The following DPYSL5 variants were observed in gnomAD, a reference collection of about 807,000 sequenced individuals.
DPYSL5 encodes the protein dihydropyrimidinase-related protein 5.
A neutral mutation model predicts 58.4 loss-of-function variants in DPYSL5; 9 were observed. The ratio of observed to expected loss-of-function variants is 0.15; its 90% CI spans 0.09 to 0.27. The LOEUF is 0.27. Among genes scored for constraint, DPYSL5 ranks in the 10% least tolerant of loss-of-function variants. The pLI, the probability that DPYSL5 is intolerant of heterozygous loss-of-function variation, is 1.00. For missense variants in DPYSL5, 499 were observed against 770.6 expected, an observed-to-expected ratio of 0.65 and a Z score of 4.17; for synonymous variants, 293 against 301.9, an observed-to-expected ratio of 0.97 and a Z score of 0.31.
chr2:26,931,551 C>G (rs1572714463), intron 5 of DPYSL5, 89 bp from the exon 6 acceptor site: 1 of 1,527,528 alleles, frequency 6.5e-7, no homozygotes, highest in East Asian at 2.3e-5. Flanking sequence ...CCTATGGGTG[C>G]AGTTGCTCCA....
intron 9 of DPYSL5, among the ~76,000 whole-genome samples, chr2:26,941,086 G>A (rs1479538357): frequency 1.3e-5 from 2 of 151,922 alleles, no homozygotes; most frequent in Admixed American, 6.6e-5. Context: ...ACAGGCGTGC[G>A]CCACTATGCC....
intron 1 of DPYSL5, among the ~76,000 whole-genome samples, chr2:26,885,502 C>G (rs1018243211): frequency 1.3e-5 from 2 of 152,212 alleles, no homozygotes; most frequent in African/African-American, 4.8e-5. Flanking sequence ...AGCCCTCCCC[C>G]AAAATGGCAC....
intron 1 of DPYSL5, among the ~76,000 whole-genome samples, chr2:26,888,187 TTTCC>T (rs898973397): frequency 6.6e-6 from 1 of 151,648 alleles, no homozygotes. Flanking sequence ...TTTCTTTCTT[TTTCC>T]TTCCTTCCTT....
Position 26,872,518 on chromosome 2 carries a change from C to T in DPYSL5, c.-5+24264C>T, listed in dbSNP as rs567248037. Among the ~76,000 whole-genome samples, 296 of 152,164 alleles carry T rather than the reference C, an allele frequency of 1.9e-3. 1 individual carries two copies. Among genetic ancestry groups the T allele is most frequent in the African/African-American group, 5.9e-3 (244 of 41,508 alleles). ...CAGCCTGCCCAACATGGTGAAACCC[C>T]GTCTCTACTAAAAATACAAAATTCA... On this transcript the variant is annotated intron_variant, in intron 1 of 12. Transcript: ENST00000288699.
intron 1 of DPYSL5, among the ~76,000 whole-genome samples, chr2:26,856,501 C>A (rs930714333): frequency 2.6e-5 from 4 of 152,016 alleles, no homozygotes; most frequent in African/African-American, 9.7e-5. Flanking sequence ...TATATAGCAT[C>A]CCATTGTATG....
At position 26,905,969 on chromosome 2, in the gene DPYSL5, T is replaced by C. The variant is rs1472515963; in HGVS notation, c.261+7209T>C. The stretch of plus-strand genomic sequence containing the variant: ...TCCAGGGTTCTCTGCCAAGCTCGTG[T>C]AGTTGTGGCAGAATTCCATTTCTTG... On this transcript the variant is annotated intron_variant, in intron 2 of 12. Transcript: ENST00000288699. This position sits in a 1 kb window ranked among gnomAD's most constrained non-coding sequence, Gnocchi z 4.0. Among the ~76,000 whole-genome samples the C allele has an allele frequency of 6.6e-6, 1 of 152,120 alleles. No homozygotes were observed. Among genetic ancestry groups the C allele is most frequent in the Admixed American group, 6.5e-5 (1 of 15,270 alleles).
intron 1 of DPYSL5, among the ~76,000 whole-genome samples, chr2:26,872,165 G>T (rs1476023419): frequency 6.6e-6 from 1 of 152,178 alleles, no homozygotes; most frequent in Non-Finnish European, 1.5e-5. Context: ...TGGAGCACTG[G>T]GCTGAGGAGA....
At chr2:26,888,300 C>A (rs1174193702) in intron 1 of DPYSL5, among the ~76,000 whole-genome samples, 1 of 101,364 alleles carries the variant, frequency 9.9e-6, no homozygotes, top group Non-Finnish European at 1.9e-5. Flanking sequence ...TTTCTTTCAT[C>A]TCTGTCTCCC....
rs1363582317 is a variant in DPYSL5, at chr2:26,905,514, GC to G, written c.261+6755del. Among the ~76,000 whole-genome samples the G allele has an allele frequency of 6.6e-6, 1 of 152,146 alleles. No individual in the cohort carries two copies. Among genetic ancestry groups the G allele is most frequent in the Non-Finnish European group, 1.5e-5 (1 of 68,012 alleles). ...CTGGGCTTGGCCAGCAGGCACCCTG[GC>G]AGGCCTTCTCTGGGAATCGGCCCTC... On this transcript the variant is annotated intron_variant, in intron 2 of 12. Transcript: ENST00000288699. This position sits in a 1 kb window ranked among gnomAD's most constrained non-coding sequence, Gnocchi z 4.0.
At chr2:26,908,605 A>G (rs1664359048) in intron 2 of DPYSL5, among the ~76,000 whole-genome samples, 1 of 152,252 alleles carries the variant, frequency 6.6e-6, no homozygotes, top group Non-Finnish European at 1.5e-5. Context: ...ATGGTGACCA[A>G]GCAGCTCCTC....
chr2:26,921,255 G>A (rs1664696330), intron 2 of DPYSL5, among the ~76,000 whole-genome samples: 1 of 152,214 alleles, frequency 6.6e-6, no homozygotes, highest in Non-Finnish European at 1.5e-5. Context: ...TGTAATCCCA[G>A]CACTTTGGGA....
chr2:26,887,222 C>T (rs1017607321), intron 1 of DPYSL5, among the ~76,000 whole-genome samples: 5 of 152,254 alleles, frequency 3.3e-5, no homozygotes, highest in Non-Finnish European at 7.3e-5. Flanking sequence ...GAGTCTTAAA[C>T]TAATGCTTTC....
In DPYSL5 at chr2:26,942,230, C is replaced by T. The variant is rs964068937; in HGVS notation, c.1232+138C>T. 1.6e-6 allele frequency: 2 copies of T among 1,253,120 alleles called. No homozygotes were observed. Among genetic ancestry groups the T allele is most frequent in the Admixed American group, 2.5e-5 (1 of 39,518 alleles). The allele number at this position is 1,253,120 out of a possible 1,614,324, so 77.6% of individuals were successfully genotyped here. On this transcript the variant is annotated intron_variant, in intron 10 of 12. Coordinates refer to ENST00000288699, the MANE Select transcript of DPYSL5 (RefSeq NM_020134.4). The surrounding 1 kb of genome is among the most constrained non-coding windows in gnomAD (Gnocchi z 5.9). The stretch of plus-strand genomic sequence containing the variant: ...GCCCTGGCCTACCGTTGGCCATCTT[C>T]TCCCTCCATCTTCACACAGTCTTTC...
At chr2:26,908,057 C>A (rs998322931) in intron 2 of DPYSL5, among the ~76,000 whole-genome samples, 1 of 152,024 alleles carries the variant, frequency 6.6e-6, no homozygotes, top group South Asian at 2.1e-4. Context: ...CCTCCATTGT[C>A]GTATGTCTTT....
intron 5 of DPYSL5, among the ~76,000 whole-genome samples, chr2:26,928,704 T>TATATATATATATATATACACACAC: frequency 9.5e-5 from 6 of 62,988 alleles, no homozygotes; most frequent in African/African-American, 3.8e-4. Context: ...TATATATATA[T>TATATATATATATATATACACACAC]ACACACACAC....
chr2:26,930,975 GAA>G (rs1195080886), intron 5 of DPYSL5, among the ~76,000 whole-genome samples: 4 of 129,692 alleles, frequency 3.1e-5, no homozygotes, highest in Admixed American at 7.7e-5. Flanking sequence ...CTCCGTCTGG[GAA>G]AAAAAAAAAA....
chr2:26,888,889 G>T (rs542344734), intron 1 of DPYSL5, among the ~76,000 whole-genome samples: 5 of 152,254 alleles, frequency 3.3e-5, no homozygotes, highest in African/African-American at 1.2e-4. Flanking sequence ...CAGTTCTGAA[G>T]GCTGGGAAGT....
At chr2:26,936,877 C>T (rs1344464613) in intron 8 of DPYSL5, among the ~76,000 whole-genome samples, 1 of 136,096 alleles carries the variant, frequency 7.3e-6, no homozygotes, top group Admixed American at 8.2e-5. Context: ...ACCCAGGAGG[C>T]GGAGGTTGCA....
At chr2:26,889,309 G>C (rs1208657503) in intron 1 of DPYSL5, among the ~76,000 whole-genome samples, 2 of 149,942 alleles carry the variant, frequency 1.3e-5, no homozygotes, top group Non-Finnish European at 3.0e-5. Flanking sequence ...TTGCTCTGTT[G>C]CCCAGGCTGG....
Sources: gnomAD v4.1 joint callset for allele counts (sites outside exome capture counted in the v4.1 genomes callset) on GRCh38, gnomAD v4.1.1 for gene constraint, Gnocchi (gnomAD v3.1) non-coding constraint, MANE v1.5 for transcripts, NCBI Gene and HGNC (gene_info 2026-07-23, HGNC 2026-07-21) for gene names.